ANKRD6: variants seen among roughly 807,000 people sequenced by gnomAD.
The protein encoded by ANKRD6 is ankyrin repeat domain-containing protein 6.
In ANKRD6, 56 loss-of-function variants were observed where a neutral mutation model predicts 82.3. That is an observed-to-expected ratio of 0.68 (90% confidence interval 0.55 to 0.85). The LOEUF (loss-of-function observed/expected upper bound fraction) is 0.85. Among genes scored for constraint, ANKRD6 ranks in the 40% least tolerant of loss-of-function variants. ANKRD6 has a pLI of 0.00. For missense variants in ANKRD6, 852 were observed against 907.6 expected (o/e 0.94, Z 0.79); for synonymous variants, 347 against 352.1 (o/e 0.99, Z 0.16).
intron 2 of ANKRD6, among the ~76,000 whole-genome samples, chr6:89,579,959 GGTA>G (rs1792121712): frequency 6.6e-6 from 1 of 151,986 alleles, no homozygotes; most frequent in African/African-American, 2.4e-5. Context: ...CGGACATACT[GGTA>G]TCTTCCAGAC....
chr6:89,602,426 G>A (rs1797427360), intron 3 of ANKRD6: 1 of 152,246 alleles, frequency 6.6e-6, no homozygotes, highest in African/African-American at 2.4e-5. Flanking sequence ...ATAAATCAGT[G>A]AGGATGTTGT....
At chr6:89,491,491 A>T (rs1310326288) in intron 1 of ANKRD6, among the ~76,000 whole-genome samples, 1 of 152,130 alleles carries the variant, frequency 6.6e-6, no homozygotes, top group Non-Finnish European at 1.5e-5. Context: ...CTTTGTAGGG[A>T]CATGGTTGAA....
chr6:89,492,162 C>T (rs894844246), intron 1 of ANKRD6, among the ~76,000 whole-genome samples: 36 of 152,204 alleles, frequency 2.4e-4, no homozygotes, highest in African/African-American at 8.7e-4. Context: ...GATGCTTTTC[C>T]TCCCTATAAG....
chr6:89,548,762 A>T (rs1452335248), intron 1 of ANKRD6, among the ~76,000 whole-genome samples: 1 of 152,262 alleles, frequency 6.6e-6, no homozygotes, highest in African/African-American at 2.4e-5. Context: ...AAAATTATAC[A>T]GTGGCGACCA....
At chr6:89,519,723 T>G (rs1367769433) in intron 1 of ANKRD6, among the ~76,000 whole-genome samples, 3 of 152,252 alleles carry the variant, frequency 2.0e-5, no homozygotes, top group African/African-American at 7.2e-5. Flanking sequence ...TGGCATATTT[T>G]AAATTCTTGA....
At chr6:89,613,969 A>T in intron 7 of ANKRD6, 79 bp downstream of exon 7, 4 of 1,439,680 alleles carry the variant, frequency 2.8e-6, no homozygotes, top group Non-Finnish European at 3.8e-6. Context: ...TGCAAACGGG[A>T]GCAGAGGCTG....
rs572688888 is a variant in ANKRD6, at chr6:89,479,949, A to G, written c.-144+46574A>G. Among the ~76,000 whole-genome samples, 6 of 152,300 alleles carry G rather than the reference A, an allele frequency of 3.9e-5. No homozygotes were observed. In the South Asian group the frequency reaches 1.2e-3, roughly 32 times the overall value. On this transcript the variant is annotated intron_variant, in intron 1 of 15. Coordinates refer to ENST00000339746, the MANE Select transcript of ANKRD6 (RefSeq NM_001242809.2). ...TGTTTGGGGTGTGTTAAAACAGTTTAATACTTCCTGCTTTTAAAGACTGAA... is the reference window on the plus strand; with the variant it reads ...TGTTTGGGGTGTGTTAAAACAGTTTGATACTTCCTGCTTTTAAAGACTGAA...
At chr6:89,509,702 CAGAT>C (rs1259219811) in intron 1 of ANKRD6, among the ~76,000 whole-genome samples, 5 of 152,178 alleles carry the variant, frequency 3.3e-5, no homozygotes, top group Non-Finnish European at 7.3e-5. Flanking sequence ...CCCTTCCTGA[CAGAT>C]AGAAATCGTC....
At chr6:89,573,133 T>C (rs1790317409) in intron 2 of ANKRD6, among the ~76,000 whole-genome samples, 1 of 152,116 alleles carries the variant, frequency 6.6e-6, no homozygotes, top group African/African-American at 2.4e-5. Context: ...TAGCTGATAA[T>C]AATGAGCAAC....
intron 2 of ANKRD6, among the ~76,000 whole-genome samples, chr6:89,578,501 A>G (rs1791707616): frequency 6.6e-6 from 1 of 151,898 alleles, no homozygotes; most frequent in South Asian, 2.1e-4. Context: ...TTGTCATGTT[A>G]CCTAGGCTGA....
chr6:89,489,740 G>C (rs762674178), intron 1 of ANKRD6, among the ~76,000 whole-genome samples: 1 of 152,250 alleles, frequency 6.6e-6, no homozygotes, highest in Non-Finnish European at 1.5e-5. Context: ...ATGGTGAGCA[G>C]GAGGAAATGG....
intron 2 of ANKRD6, among the ~76,000 whole-genome samples, chr6:89,578,025 C>T (rs781140363): frequency 1.2e-4 from 18 of 152,178 alleles, no homozygotes; most frequent in Non-Finnish European, 2.4e-4. Context: ...AACCCCAGGG[C>T]CTCAAAGAGC....
chr6:89,603,051 G>T lies in ANKRD6; in HGVS notation c.242G>T (p.Arg81Leu), dbSNP rs756145375. Reference protein sequence around the residue: ...QDDGDQTALHRATVVGNTEII... With the variant: ...QDDGDQTALHLATVVGNTEII... ...CAGGGGGACCAGACCGCCTTGCACC[G>T]GGCCACAGTGGTGGGGAACACGGAG... The change falls in exon 4 of 16, where the codon CGG becomes CTG. Residue 81 changes from arginine (R) to leucine (L), a missense_variant. By Grantham distance (102) the Arg-to-Leu change is moderately radical. Transcript: ENST00000339746. 3.0e-5 allele frequency: 48 copies of T among 1,607,188 alleles called. No individual in the cohort carries two copies. Among genetic ancestry groups the T allele is most frequent in the Non-Finnish European group, 4.0e-5 (47 of 1,177,316 alleles).
chr6:89,488,813 A>G (rs1004179029), intron 1 of ANKRD6, among the ~76,000 whole-genome samples: 20 of 152,242 alleles, frequency 1.3e-4, no homozygotes, highest in African/African-American at 4.3e-4. Context: ...GTACACATAC[A>G]TATATAAACA....
chr6:89,614,370 C>T (rs558257615), intron 7 of ANKRD6, among the ~76,000 whole-genome samples: 4 of 152,084 alleles, frequency 2.6e-5, no homozygotes, highest in Non-Finnish European at 5.9e-5. Flanking sequence ...TTTGGCCGGC[C>T]GTGGTGGCTC....
In ANKRD6 at chr6:89,574,013, TC is replaced by T. The variant is rs559158099; in HGVS notation, c.120+6921del. Among the ~76,000 whole-genome samples, 5 of 152,246 alleles carry T rather than the reference TC, an allele frequency of 3.3e-5. No homozygotes were observed. The South Asian group carries it at 1.0e-3, about 32-fold the overall frequency. On this transcript the variant is annotated intron_variant, in intron 2 of 15. Transcript: ENST00000339746. ...ATACTGCTCTGTGGGTGCTCAGAACTCCCCACCACATCATCACTGTGACCTG... is the reference window on the plus strand; with the variant it reads ...ATACTGCTCTGTGGGTGCTCAGAACTCCCACCACATCATCACTGTGACCTG...
intron 1 of ANKRD6, among the ~76,000 whole-genome samples, chr6:89,450,412 A>G (rs1772664324): frequency 6.6e-6 from 1 of 152,232 alleles, no homozygotes; most frequent in Non-Finnish European, 1.5e-5. Flanking sequence ...CACCCTGATC[A>G]GTCATCAGCC....
intron 1 of ANKRD6, among the ~76,000 whole-genome samples, chr6:89,543,080 C>A (rs1784620994): frequency 6.6e-6 from 1 of 152,150 alleles, no homozygotes; most frequent in Admixed American, 6.5e-5. Flanking sequence ...TGCCTGATAG[C>A]AGATAGGATT....
intron 1 of ANKRD6, among the ~76,000 whole-genome samples, chr6:89,527,569 AG>A (rs1782639937): frequency 7.9e-6 from 1 of 127,098 alleles, no homozygotes. Flanking sequence ...CCTCCAGCCT[AG>A]GTAACTGAGC....
Sources: gnomAD v4.1 joint callset for allele counts (sites outside exome capture counted in the v4.1 genomes callset) on GRCh38, gnomAD v4.1.1 for gene constraint, MANE v1.5 for transcripts, NCBI Gene and HGNC (gene_info 2026-07-23, HGNC 2026-07-21) for gene names.